GPR158: variants seen among roughly 807,000 people sequenced by gnomAD.
The protein encoded by GPR158 is metabotropic glycine receptor.
GPR158 carries 30 observed loss-of-function variants against 78.2 expected under a neutral mutation model. That is an observed-to-expected ratio of 0.38 (90% CI 0.29 to 0.52). The LOEUF is 0.52. GPR158 is among the 20% of genes least tolerant of loss of function. The pLI, the probability that GPR158 is intolerant of heterozygous loss-of-function variation, is 0.83. For missense variants in GPR158, 1,463 were observed against 1,523.5 expected (o/e 0.96, Z 0.66); for synonymous variants, 581 against 591.1 (o/e 0.98, Z 0.25).
At chr10:25,354,738 G>T (rs1855524629) in intron 2 of GPR158, among the ~76,000 whole-genome samples, 1 of 152,026 alleles carries the variant, frequency 6.6e-6, no homozygotes, top group Admixed American at 6.6e-5. Flanking sequence ...TTTTCTGAAA[G>T]ACAGTTCTCA....
At chr10:25,187,376 A>G (rs896375025) in intron 1 of GPR158, among the ~76,000 whole-genome samples, 1 of 152,194 alleles carries the variant, frequency 6.6e-6, no homozygotes, top group Non-Finnish European at 1.5e-5. Flanking sequence ...CGATGCAAAA[A>G]TCCTCAATAA....
rs111298789 is a variant in GPR158, at chr10:25,208,647, C to T, written c.903-12405C>T. ...AAAAGACCAGAGAGAAGCACTGGAA[C>T]TGTGTCACATTGTGCTGGCAGCAAG... is the stretch of plus-strand genomic sequence containing the variant. On this transcript the variant is annotated intron_variant, in intron 1 of 10. Transcript: ENST00000376351. Among the ~76,000 whole-genome samples the T allele has an allele frequency of 5.4e-3, 806 of 150,596 alleles. 11 individuals are homozygous for T. Among genetic ancestry groups the T allele is most frequent in the African/African-American group, 0.019 (783 of 40,930 alleles).
At chr10:25,456,453 G>A (rs751994935) in intron 4 of GPR158, among the ~76,000 whole-genome samples, 1 of 152,188 alleles carries the variant, frequency 6.6e-6, no homozygotes, top group Non-Finnish European at 1.5e-5. Context: ...AAACTTAACA[G>A]TTCTGAGAAA....
At chr10:25,422,129 G>A (rs921991382) in intron 4 of GPR158, among the ~76,000 whole-genome samples, 3 of 152,198 alleles carry the variant, frequency 2.0e-5, no homozygotes, top group South Asian at 4.1e-4. Flanking sequence ...CTTCTATATG[G>A]CAACAACGTG....
At chr10:25,318,946 A>C (rs66666719) in intron 2 of GPR158, among the ~76,000 whole-genome samples, 7,726 of 152,216 alleles carry the variant, frequency 0.051, 227 homozygotes, top group African/African-American at 0.08. Flanking sequence ...GAAATGAAAC[A>C]GTTCTTCTGG....
At chr10:25,269,588 A>T (rs949927236) in intron 2 of GPR158, among the ~76,000 whole-genome samples, 2 of 152,158 alleles carry the variant, frequency 1.3e-5, no homozygotes, top group African/African-American at 4.8e-5. Flanking sequence ...AATCATTTTG[A>T]CTCATTTTCC....
intron 1 of GPR158, among the ~76,000 whole-genome samples, chr10:25,197,546 T>C (rs959675755): frequency 6.6e-6 from 1 of 152,326 alleles, no homozygotes; most frequent in East Asian, 1.9e-4. Flanking sequence ...AAAGAAGATA[T>C]ATCTTTGCTT....
At position 25,512,013 on chromosome 10, in the gene GPR158, C is replaced by A. The variant is rs111297486; in HGVS notation, c.1405-38963C>A. Among the ~76,000 whole-genome samples, 100 of 152,036 alleles carry A rather than the reference C, an allele frequency of 6.6e-4. 1 individual carries two copies. Among genetic ancestry groups the A allele is most frequent in the African/African-American group, 2.3e-3 (94 of 41,498 alleles). On this transcript the variant is annotated intron_variant, in intron 5 of 10. Transcript: ENST00000376351. Reference sequence around the variant, plus strand: ...TTTGCTTAGTCTTGCTTTGGTTATGCGGGCTCTTTTTTTGGTTCCATATGA... The same window carrying A: ...TTTGCTTAGTCTTGCTTTGGTTATGAGGGCTCTTTTTTTGGTTCCATATGA...
chr10:25,540,974 AT>A (rs1564484283), intron 5 of GPR158, among the ~76,000 whole-genome samples: 9,100 of 76,742 alleles, frequency 0.12, 411 homozygotes, highest in African/African-American at 0.23. Context: ...ATATATATAT[AT>A]ATAAAGTTTA....
intron 2 of GPR158, among the ~76,000 whole-genome samples, chr10:25,269,716 G>T (rs951645565): frequency 6.6e-6 from 1 of 152,146 alleles, no homozygotes; most frequent in Non-Finnish European, 1.5e-5. Context: ...TGAAATTGCA[G>T]CTGTTTTCCC....
intron 2 of GPR158, among the ~76,000 whole-genome samples, chr10:25,389,616 G>T (rs1203682821): frequency 6.6e-6 from 1 of 152,192 alleles, no homozygotes; most frequent in Non-Finnish European, 1.5e-5. Context: ...CCCGCTGAAT[G>T]GTGGGGCTAA....
chr10:25,205,877 G>A (rs1366545600), intron 1 of GPR158, among the ~76,000 whole-genome samples: 4 of 151,688 alleles, frequency 2.6e-5, no homozygotes, highest in African/African-American at 9.7e-5. Context: ...TAGATTATGT[G>A]CCTTGTGCAT....
intron 2 of GPR158, among the ~76,000 whole-genome samples, chr10:25,222,559 C>G (rs1307486905): frequency 6.6e-6 from 1 of 151,956 alleles, no homozygotes; most frequent in African/African-American, 2.4e-5. Context: ...TTTAATTGTT[C>G]TTAGGGTTTT....
intron 2 of GPR158, among the ~76,000 whole-genome samples, chr10:25,388,859 T>C (rs1236192011): frequency 6.6e-6 from 1 of 152,238 alleles, no homozygotes; most frequent in Non-Finnish European, 1.5e-5. Context: ...TGGCCTCTCC[T>C]TGCTTTCAGT....
At position 25,315,666 on chromosome 10, in the gene GPR158, G is replaced by GT. The variant is rs1229756636; in HGVS notation, c.1009-80239dup. ...TTTATAATATGTTTTATTTGCTGGG[G>GT]TTTTTTCACTCTGTGATTTGTTTCC... On this transcript the variant is annotated intron_variant, in intron 2 of 10. Coordinates refer to ENST00000376351, the MANE Select transcript of GPR158 (RefSeq NM_020752.3). 4.0e-5 allele frequency among the ~76,000 whole-genome samples: 6 copies of GT among 151,864 alleles called. No individual in the cohort carries two copies. The South Asian group carries it at 6.2e-4, about 16-fold the overall frequency.
chr10:25,228,381 A>G (rs2130691791), intron 2 of GPR158, among the ~76,000 whole-genome samples: 1 of 152,252 alleles, frequency 6.6e-6, no homozygotes, highest in South Asian at 2.1e-4. Context: ...TCACAGTATT[A>G]CATATAGTAG....
intron 6 of GPR158, among the ~76,000 whole-genome samples, chr10:25,553,654 G>A (rs756839924): frequency 1.1e-4 from 16 of 152,078 alleles, no homozygotes; most frequent in African/African-American, 3.4e-4. Flanking sequence ...TTGAATGAAC[G>A]AATGGGTGGA....
intron 2 of GPR158, among the ~76,000 whole-genome samples, chr10:25,273,032 C>T (rs555035956): frequency 5.3e-5 from 8 of 152,260 alleles, no homozygotes; most frequent in East Asian, 3.9e-4. Context: ...ACAATTAGTT[C>T]GTGGCACCTG....
Position 25,292,109 on chromosome 10 carries a change from G to A in GPR158, c.1008+70952G>A, listed in dbSNP as rs74126513. On this transcript the variant is annotated intron_variant, in intron 2 of 10. Coordinates refer to ENST00000376351, the MANE Select transcript of GPR158 (RefSeq NM_020752.3). ...ATATACATACATGTTTACTACATAG[G>A]AAATGTGTAAGTAATATATCATCCC... is the stretch of plus-strand genomic sequence containing the variant. 2.1e-3 allele frequency among the ~76,000 whole-genome samples: 326 copies of A among 151,718 alleles called. 2 individuals are homozygous for A. The highest frequency in any genetic ancestry group is 7.5e-3 in the African/African-American group (309 of 41,378).
Sources: gnomAD v4.1 joint callset for allele counts (sites outside exome capture counted in the v4.1 genomes callset) on GRCh38, gnomAD v4.1.1 for gene constraint, MANE v1.5 for transcripts, NCBI Gene and HGNC (gene_info 2026-07-23, HGNC 2026-07-21) for gene names.